Variants in PHYH observed in about 807,000 individuals in gnomAD.
PHYH encodes phytanoyl-CoA dioxygenase, peroxisomal.
A neutral mutation model predicts 38.5 loss-of-function variants in PHYH; 32 were observed. The observed-to-expected ratio is 0.83, with a 90% confidence interval of 0.63 to 1.12. The LOEUF (loss-of-function observed/expected upper bound fraction) is 1.12. Ranked by LOEUF, PHYH falls within the 50% of genes most tolerant of loss-of-function variation. The pLI is 0.00. For synonymous variants in PHYH, 166 were observed against 157.9 expected (o/e 1.05, Z -0.38); for missense variants, 426 against 434.8 (o/e 0.98, Z 0.18).
At chr10:13,285,766 G>C (rs922415587) in intron 6 of PHYH, among the ~76,000 whole-genome samples, 2 of 150,688 alleles carry the variant, frequency 1.3e-5, no homozygotes, top group Non-Finnish European at 3.0e-5. Context: ...CACCACACCA[G>C]GCTGATTTTG....
At chr10:13,294,317 CA>C in intron 4 of PHYH, 110 bp downstream of exon 4, 2 of 946,054 alleles carry the variant, frequency 2.1e-6, no homozygotes, top group Non-Finnish European at 3.4e-6. Flanking sequence ...CAGCCTCCCA[CA>C]GTGCTCGGAT....
intron 6 of PHYH, among the ~76,000 whole-genome samples, chr10:13,286,017 C>G (rs1835540620): frequency 6.6e-6 from 1 of 152,136 alleles, no homozygotes; most frequent in Non-Finnish European, 1.5e-5. Flanking sequence ...AAGTAATCCT[C>G]CTGCCTCAGC....
intron 2 of PHYH, among the ~76,000 whole-genome samples, chr10:13,296,713 G>GCT (rs1554785325): frequency 6.6e-6 from 1 of 151,126 alleles, no homozygotes; most frequent in Non-Finnish European, 1.5e-5. Flanking sequence ...TGTAATCCTA[G>GCT]CTTTGGGAGG....
At position 13,278,266 on chromosome 10, in the gene PHYH, G is replaced by A. The variant is rs1410514412; in HGVS notation, c.*35C>T. 2.7e-6 allele frequency: 4 copies of A among 1,485,924 alleles called. No individual in the cohort carries two copies. Among genetic ancestry groups the A allele is most frequent in the Non-Finnish European group, 3.8e-6 (4 of 1,063,246 alleles). 92.0% of individuals were successfully genotyped at this position (1,485,924 alleles called of 1,614,324 possible). A position where few individuals can be genotyped will look rare whatever the true frequency, so the allele number is the denominator to read the frequency against. On this transcript the variant is annotated 3_prime_UTR_variant, in exon 9 of 9. Coordinates refer to ENST00000263038, the MANE Select transcript of PHYH (RefSeq NM_006214.4). ...TCCTTAGACATTTCGTTTGGTTTTG[G>A]TTTTCTGTTGAAAGAGTTATAGCAG...
At chr10:13,299,254 C>A (rs986188671) in intron 1 of PHYH, among the ~76,000 whole-genome samples, 8 of 152,082 alleles carry the variant, frequency 5.3e-5, no homozygotes, top group African/African-American at 1.9e-4. Flanking sequence ...CGGTTACTTT[C>A]GGAATGTCAC....
intron 5 of PHYH, chr10:13,291,628 A>T (rs772946067): frequency 1.2e-5 from 7 of 566,906 alleles, no homozygotes; most frequent in Non-Finnish European, 2.2e-5. Context: ...ACAAGTGCAT[A>T]CCACCATGCC....
In PHYH at chr10:13,294,425, G is replaced by A. The variant is rs543493223; in HGVS notation, c.414+3C>T. ...CCGACGCAAAGCAAGGGTGGTCTCT[G>A]ACCTCGGGGAGAGTGCAGTATCTGA... On this transcript the variant is annotated splice_donor_region_variant and intron_variant, in intron 4 of 8. Coordinates refer to ENST00000263038, the MANE Select transcript of PHYH (RefSeq NM_006214.4). 2.5e-6 allele frequency: 4 copies of A among 1,613,842 alleles called. No homozygotes were observed. The highest frequency in any genetic ancestry group is 2.2e-5 in the East Asian group (1 of 44,872).
chr10:13,277,895 G>A lies in PHYH; in HGVS notation c.*406C>T. The A allele has an allele frequency of 3.4e-6, 1 of 296,404 alleles. No homozygotes were observed. The highest frequency in any genetic ancestry group is 6.5e-6 in the Non-Finnish European group (1 of 154,010). 18.4% of individuals were successfully genotyped at this position (296,404 alleles called of 1,614,324 possible). ...ATTATACATTGTTCTAGATTTGGGG[G>A]AAAAAAATCTCTTATGACATAAAAT... On this transcript the variant is annotated 3_prime_UTR_variant, in exon 9 of 9. Coordinates refer to ENST00000263038, the MANE Select transcript of PHYH (RefSeq NM_006214.4).
At chr10:13,287,328 AC>A in intron 6 of PHYH, among the ~76,000 whole-genome samples, 1 of 149,418 alleles carries the variant, frequency 6.7e-6, no homozygotes, top group East Asian at 2.0e-4. Context: ...ACAGAGTGAG[AC>A]TCCTCAAAAA....
At chr10:13,283,366 T>A (rs540052020) in intron 7 of PHYH, among the ~76,000 whole-genome samples, 2 of 152,126 alleles carry the variant, frequency 1.3e-5, no homozygotes, top group African/African-American at 4.8e-5. Flanking sequence ...CCTGACCTCG[T>A]GATCCACCCG....
chr10:13,282,204 T>A (rs543702728), intron 7 of PHYH, among the ~76,000 whole-genome samples: 1 of 152,092 alleles, frequency 6.6e-6, no homozygotes, highest in Non-Finnish European at 1.5e-5. Flanking sequence ...TGAGCTATGA[T>A]TGCACCACTG....
chr10:13,294,481 C>T lies in PHYH; in HGVS notation c.361G>A (p.Val121Ile), dbSNP rs563490832. Residue 121 changes from valine to isoleucine, a missense_variant, in exon 4 of 9, where the codon GTC becomes ATC. Val to Ile is a conservative substitution (Grantham distance 29, BLOSUM62 3). Transcript: ENST00000263038. ...TCCTTATCTTCCTGGAAATCCTGGA[C>T]CTTCGTGATCATCTTCTCACTTGGA... ...YAPSEKMITK[V>I]QDFQEDKELF... 6.2e-7 allele frequency: 1 copy of T among 1,614,140 alleles called. No homozygotes were observed. Among genetic ancestry groups the T allele is most frequent in the Non-Finnish European group, 8.5e-7 (1 of 1,179,972 alleles).
chr10:13,283,892 A>T, intron 6 of PHYH, 53 bp from the exon 7 acceptor site: 1 of 1,458,658 alleles, frequency 6.9e-7, no homozygotes, highest in South Asian at 1.1e-5. Context: ...ATAATTAAAA[A>T]CATTGTCAAT....
rs866528203 is a variant in PHYH, at chr10:13,291,824, C to A, written c.496+7G>T. ...AACCATTTTTTTTTCTTCTCCCTTA[C>A]AATTACCAGAATCTGGAGGTTTGTT... On this transcript the variant is annotated splice_region_variant and intron_variant, in intron 5 of 8. Coordinates refer to ENST00000263038, the MANE Select transcript of PHYH (RefSeq NM_006214.4). The A allele has an allele frequency of 6.3e-7, 1 of 1,592,982 alleles. No homozygotes were observed. The highest frequency in any genetic ancestry group is 8.6e-7 in the Non-Finnish European group (1 of 1,161,808).
At position 13,288,228 on chromosome 10, in the gene PHYH, C is replaced by T. The variant is rs566001981; in HGVS notation, c.678+132G>A. On this transcript the variant is annotated intron_variant, in intron 6 of 8. Transcript: ENST00000263038. ...ATCCTTGAACTTTCTCTGATCCTCACTGCAAATCTTAGGACAATGTTTTGC... is the reference window on the plus strand; with the variant it reads ...ATCCTTGAACTTTCTCTGATCCTCATTGCAAATCTTAGGACAATGTTTTGC... 27 of 801,700 alleles carry T rather than the reference C, an allele frequency of 3.4e-5. No homozygotes were observed. The African/African-American group carries it at 4.3e-4, about 13-fold the overall frequency. The allele number at this position is 801,700 out of a possible 1,614,324, so 49.7% of individuals were successfully genotyped here. A position where few individuals can be genotyped will look rare whatever the true frequency, so the allele number is the denominator to read the frequency against.
At chr10:13,299,774 C>T (rs975693521) in intron 1 of PHYH, 194 bp downstream of exon 1, 1 of 1,312,690 alleles carries the variant, frequency 7.6e-7, no homozygotes, top group South Asian at 2.1e-5. Flanking sequence ...CGCGTGTCCT[C>T]GGGGGACGCA....
chr10:13,278,885 GT>G (rs1028093185), intron 8 of PHYH, among the ~76,000 whole-genome samples: 41 of 152,246 alleles, frequency 2.7e-4, no homozygotes, highest in African/African-American at 9.1e-4. Flanking sequence ...AAGTCAGTGG[GT>G]CCCCCAGCTG....
chr10:13,284,831 G>C (rs575705221), intron 6 of PHYH, among the ~76,000 whole-genome samples: 6 of 152,136 alleles, frequency 3.9e-5, no homozygotes, highest in African/African-American at 1.4e-4. Flanking sequence ...CTTCCTAAGA[G>C]CATCCCCAGT....
intron 7 of PHYH, among the ~76,000 whole-genome samples, chr10:13,283,471 C>G (rs187918354): frequency 6.6e-6 from 1 of 152,234 alleles, no homozygotes; most frequent in African/African-American, 2.4e-5. Flanking sequence ...GGTCACCTGG[C>G]TTCTTACTGA....
Sources: gnomAD v4.1 joint callset for allele counts (sites outside exome capture counted in the v4.1 genomes callset) on GRCh38, gnomAD v4.1.1 for gene constraint, MANE v1.5 for transcripts, NCBI Gene and HGNC (gene_info 2026-07-23, HGNC 2026-07-21) for gene names.